RHBDF1: variants seen among roughly 807,000 people sequenced by gnomAD.
The protein encoded by RHBDF1 is inactive rhomboid protein 1.
Under a neutral mutation model 98.6 loss-of-function variants are expected in RHBDF1, and 80 were observed. The ratio of observed to expected loss-of-function variants is 0.81; its 90% confidence interval spans 0.68 to 0.98. The LOEUF (loss-of-function observed/expected upper bound fraction) is 0.98, where lower values mean the gene tolerates loss of function less well. RHBDF1 is among the 50% of genes least tolerant of loss of function. The pLI is 0.00. For missense variants in RHBDF1, 1,116 were observed against 1,198.3 expected, an observed-to-expected ratio of 0.93 and a Z score of 1.01; for synonymous variants, 512 against 486.8, an observed-to-expected ratio of 1.05 and a Z score of -0.68.
chr16:72,062 G>T lies in RHBDF1; in HGVS notation c.-25+451C>A, dbSNP rs1208948385. ...ACAGGGACCATCCCGCCCTGGGCTG[G>T]AGTTTCAGCTCGGAGACACCACCCG... On this transcript the variant is annotated intron_variant, in intron 1 of 17. Coordinates refer to ENST00000262316, the MANE Select transcript of RHBDF1 (RefSeq NM_022450.5). Among the ~76,000 whole-genome samples the T allele has an allele frequency of 2.0e-5, 3 of 152,324 alleles. No individual in the cohort carries two copies. In the East Asian group the frequency reaches 5.8e-4, roughly 29 times the overall value.
intron 3 of RHBDF1, chr16:64,022 C>G: frequency 1.4e-6 from 1 of 701,986 alleles, no homozygotes; most frequent in Non-Finnish European, 2.6e-6. Flanking sequence ...TGGCCTTGCC[C>G]GGTTGAGTGC....
upstream of RHBDF1, among the ~76,000 whole-genome samples, chr16:75,492 T>A (rs1898069647): frequency 2.6e-5 from 4 of 152,176 alleles, no homozygotes; most frequent in Admixed American, 2.0e-4. Flanking sequence ...GATGGGCCCA[T>A]GACCAGCTCC....
upstream of RHBDF1, chr16:73,975 G>A (rs912405849): frequency 1.9e-4 from 184 of 984,576 alleles, no homozygotes; most frequent in Non-Finnish European, 2.1e-4. Context: ...CCATGCCACG[G>A]GATAGGGCGG....
intron 11 of RHBDF1, 181 bp downstream of exon 11, chr16:60,933 ACGGGGC>A (rs1897586640): frequency 1.6e-6 from 1 of 633,046 alleles, no homozygotes; most frequent in Admixed American, 3.3e-5. Context: ...ATGATGGTCT[ACGGGGC>A]GAGGAGCTGG....
chr16:60,997 G>C (rs1191717000), intron 11 of RHBDF1, 123 bp downstream of exon 11: 1 of 1,079,670 alleles, frequency 9.3e-7, no homozygotes, highest in Non-Finnish European at 1.3e-6. Context: ...ACAAGGCCTT[G>C]CGCGTAAGGA....
At position 60,488 on chromosome 16, in the gene RHBDF1, G is replaced by T; in HGVS notation, c.1609C>A (p.Leu537Ile). The T allele has an allele frequency of 6.2e-7, 1 of 1,611,764 alleles. No homozygotes were observed. Residue 537 changes from leucine (L) to isoleucine (I), a missense_variant, in exon 12 of 18, where the codon CTT (leucine) becomes ATT (isoleucine). Leu to Ile is a conservative substitution (Grantham distance 5). Transcript: ENST00000262316. Reference protein sequence around the residue: ...KWPIHPSAPELAGHKRQFGSV... With the variant: ...KWPIHPSAPEIAGHKRQFGSV... ...CCAAACTGTCTCTTGTGGCCCGCAA[G>T]CTCTGGGGCGCTGGGATGGATGGGC...
chr16:70,821 G>T (rs1947306070), intron 1 of RHBDF1, among the ~76,000 whole-genome samples: 1 of 152,192 alleles, frequency 6.6e-6, no homozygotes, highest in Non-Finnish European at 1.5e-5. Flanking sequence ...GCTGTGGACG[G>T]CTGTCAGACC....
Position 60,536 on chromosome 16 carries a change from T to G in RHBDF1, c.1561A>C (p.Thr521Pro). 2 of 1,606,876 alleles carry G rather than the reference T, an allele frequency of 1.2e-6. No individual in the cohort carries two copies. The highest frequency in any genetic ancestry group is 1.7e-6 in the Non-Finnish European group (2 of 1,179,458). The change falls in exon 12 of 18, where the codon ACG (threonine) becomes CCG (proline). Residue 521 changes from threonine (T) to proline (P), a missense_variant. Coordinates refer to ENST00000262316, the MANE Select transcript of RHBDF1 (RefSeq NM_022450.5). ...GGCCACTTCACCCACACTGCCAGCG[T>G]GGACTGTGGGAGGGGGACACAGGGT... The part of the protein sequence containing the change: ...VQTSEEECSS[T>P]LAVWVKWPIH...
Position 63,658 on chromosome 16 carries a change from T to C in RHBDF1, c.391A>G (p.Asn131Asp). Reference sequence around the variant, plus strand: ...GTCTCGGTGCTGGTCAGCGACACGTTGTCCTGGCTGGGCAGGTCCAGCTCC... The same window carrying C: ...GTCTCGGTGCTGGTCAGCGACACGTCGTCCTGGCTGGGCAGGTCCAGCTCC... ...LRELDLPSQD[N>D]VSLTSTETPP... is the part of the protein sequence containing the mutation. The change falls in exon 4 of 18, where the codon AAC becomes GAC. Residue 131 changes from asparagine to aspartate, a missense_variant. Transcript: ENST00000262316. The C allele has an allele frequency of 4.3e-6, 7 of 1,610,018 alleles. No homozygotes were observed. The highest frequency in any genetic ancestry group is 5.9e-6 in the Non-Finnish European group (7 of 1,178,652).
intron 1 of RHBDF1, among the ~76,000 whole-genome samples, chr16:70,448 G>T (rs182349790): frequency 1.3e-5 from 2 of 152,280 alleles, no homozygotes; most frequent in African/African-American, 4.8e-5. Context: ...GGCACCCTTG[G>T]GCTCAGCAAC....
rs777403640 is a variant in RHBDF1, at chr16:58,963, G to A, written c.2148+11C>T. Reference sequence around the variant, plus strand: ...ACACGGGAGGATCCCCACCCTGAGGGCCAGCCTTACCTCTGCTCGGTATGG... The same window carrying A: ...ACACGGGAGGATCCCCACCCTGAGGACCAGCCTTACCTCTGCTCGGTATGG... On this transcript the variant is annotated intron_variant, in intron 17 of 17. Transcript: ENST00000262316. 1.2e-6 allele frequency: 2 copies of A among 1,612,290 alleles called. No individual in the cohort carries two copies. The highest frequency in any genetic ancestry group is 1.3e-5 in the African/African-American group (1 of 74,910).
At chr16:72,699 C>T (rs1417677683), upstream of RHBDF1, 3 of 982,678 alleles carry the variant, frequency 3.1e-6, no homozygotes, top group Non-Finnish European at 3.6e-6. Context: ...TGACTCAGAG[C>T]TCAGGAATGC....
Position 58,145 on chromosome 16 carries a change from G to C in RHBDF1, c.*195C>G. On this transcript the variant is annotated 3_prime_UTR_variant, in exon 18 of 18. Transcript: ENST00000262316. ...AGAAACAAGTTAGAAGGTTATGACAGGAAGTAGTATAATAAATGCCCGGCA... is the reference window on the plus strand; with the variant it reads ...AGAAACAAGTTAGAAGGTTATGACACGAAGTAGTATAATAAATGCCCGGCA... 1.7e-6 allele frequency: 1 copy of C among 576,364 alleles called. No homozygotes were observed. Among genetic ancestry groups the C allele is most frequent in the Non-Finnish European group, 3.0e-6 (1 of 329,346 alleles). The allele number at this position is 576,364 out of a possible 1,614,324, so 35.7% of individuals were successfully genotyped here.
rs762532211 is a variant in RHBDF1, at chr16:59,509, C to T, written c.1818-15G>A. 1.9e-6 allele frequency: 3 copies of T among 1,611,326 alleles called. No homozygotes were observed. Among genetic ancestry groups the T allele is most frequent in the Non-Finnish European group, 2.5e-6 (3 of 1,178,772 alleles). ...TGATCTCACACCTAGAAAGGCAGGC[C>T]AGGGTTCGGAGACTGCTGCCTTGCA... On this transcript the variant is annotated splice_polypyrimidine_tract_variant and intron_variant, in intron 14 of 17. Transcript: ENST00000262316.
At chr16:70,007 C>CG (rs1897928418) in intron 1 of RHBDF1, among the ~76,000 whole-genome samples, 5 of 134,204 alleles carry the variant, frequency 3.7e-5, no homozygotes, top group African/African-American at 6.4e-5. Flanking sequence ...CAGCACTTGG[C>CG]AGGAGGGGGG....
Position 62,879 on chromosome 16 carries a change from C to A in RHBDF1, c.691G>T (p.Gly231Cys). 1 of 1,613,870 alleles carries A rather than the reference C, an allele frequency of 6.2e-7. No individual in the cohort carries two copies. The highest frequency in any genetic ancestry group is 8.5e-7 in the Non-Finnish European group (1 of 1,179,962). Residue 231 changes from glycine to cysteine, a missense_variant, in exon 6 of 18, where the codon GGC becomes TGC. Physicochemically the swap from Gly to Cys is radical, Grantham distance 159. Coordinates refer to ENST00000262316, the MANE Select transcript of RHBDF1 (RefSeq NM_022450.5). ...ALMKGRSVRD[G>C]TFRRAQRRSF... ...CGACGCTGTGCCCGGCGAAAGGTGC[C>A]ATCCCTAACGGAGCGGCCCTGGGGA...
At position 64,846 on chromosome 16, in the gene RHBDF1, T is replaced by C. The variant is rs1449994870; in HGVS notation, c.118-17A>G. On this transcript the variant is annotated splice_polypyrimidine_tract_variant and intron_variant, in intron 2 of 17. Coordinates refer to ENST00000262316, the MANE Select transcript of RHBDF1 (RefSeq NM_022450.5). Reference sequence around the variant, plus strand: ...CCTCAGGGGCTGGGCAACAGGGTCATGGTGAGGGTACTGGACAGGGGGCAC... The same window carrying C: ...CCTCAGGGGCTGGGCAACAGGGTCACGGTGAGGGTACTGGACAGGGGGCAC... The C allele has an allele frequency of 1.2e-6, 2 of 1,613,956 alleles. No individual in the cohort carries two copies. The highest frequency in any genetic ancestry group is 1.7e-5 in the Admixed American group (1 of 60,024).
chr16:68,821 C>A (rs1330009208), intron 1 of RHBDF1, among the ~76,000 whole-genome samples: 1 of 152,192 alleles, frequency 6.6e-6, no homozygotes, highest in African/African-American at 2.4e-5. Context: ...CAGGTTTCTG[C>A]TCTGGGGATG....
chr16:58,770 G>C lies in RHBDF1; in HGVS notation c.2149-11C>G. On this transcript the variant is annotated splice_polypyrimidine_tract_variant and intron_variant, in intron 17 of 17. Transcript: ENST00000262316. ...GCCAGCAGGACCCACCTGGGGGATG[G>C]TTGGGGTAGCTGTAAGGCAGTGGGG... The C allele has an allele frequency of 1.9e-6, 3 of 1,610,738 alleles. No homozygotes were observed. Among genetic ancestry groups the C allele is most frequent in the Non-Finnish European group, 2.5e-6 (3 of 1,178,756 alleles).
Sources: allele counts gnomAD v4.1 joint callset (sites outside exome capture counted in the v4.1 genomes callset), GRCh38; gene constraint gnomAD v4.1.1; transcripts MANE v1.5; gene names NCBI Gene and HGNC (gene_info 2026-07-23, HGNC 2026-07-21).